Variants in SPACA9 observed in about 807,000 individuals in gnomAD.
The protein encoded by SPACA9 is sperm acrosome-associated protein 9.
A neutral mutation model predicts 12.5 loss-of-function variants in SPACA9; 14 were observed. The ratio of observed to expected loss-of-function variants is 1.12; its 90% CI spans 0.74 to 1.75. The LOEUF (loss-of-function observed/expected upper bound fraction) is 1.75, where lower values mean the gene tolerates loss of function less well. Ranked by LOEUF, SPACA9 falls within the 40% of genes most tolerant of loss-of-function variation. The pLI is 0.00. For missense variants in SPACA9, 292 were observed against 291.9 expected (o/e 1.00, Z 0.00); for synonymous variants, 111 against 114.1 (o/e 0.97, Z 0.17).
rs757960503 is a variant in SPACA9 at position 132,888,063 on chromosome 9, G to A, written c.348-227G>A. Among the ~76,000 whole-genome samples, 4 of 152,156 alleles carry A rather than the reference G, an allele frequency of 2.6e-5. No individual in the cohort carries two copies. The highest frequency in any genetic ancestry group is 1.9e-4 in the East Asian group (1 of 5,176). Reference sequence around the variant, plus strand: ...CTAACCCAGGTTTCTACGGACCATGGGGCAGTGGTTTGCATCTCCTGTCTT... The same window carrying A: ...CTAACCCAGGTTTCTACGGACCATGAGGCAGTGGTTTGCATCTCCTGTCTT... On this transcript the variant is annotated intron_variant, in intron 3 of 3. Transcript: ENST00000356311. This position sits in a 1 kb window ranked among gnomAD's most constrained non-coding sequence, Gnocchi z 5.0.
upstream of SPACA9, chr9:132,878,728 TTCGAGGA>T (rs1445355945): frequency 6.1e-6 from 6 of 986,692 alleles, no homozygotes; most frequent in Non-Finnish European, 7.2e-6. The surrounding 1 kb of genome is among the most constrained non-coding windows in gnomAD (Gnocchi z 4.7). Flanking sequence ...GGGCCGGAGG[TTCGAGGA>T]TCGGGTGGAA....
chr9:132,885,067 T>C (rs568048295), intron 2 of SPACA9, among the ~76,000 whole-genome samples: 3 of 151,322 alleles, frequency 2.0e-5, no homozygotes, highest in South Asian at 2.1e-4. Context: ...GAGCCGATAT[T>C]GCGCCACTGT....
chr9:132,878,402 C>T, upstream of SPACA9: 8 of 1,241,162 alleles, frequency 6.4e-6, no homozygotes, highest in Non-Finnish European at 8.1e-6. This position sits in a 1 kb window ranked among gnomAD's most constrained non-coding sequence, Gnocchi z 4.7. Flanking sequence ...TCGCCCCCGC[C>T]CCGACCTCCC....
chr9:132,887,275 G>A lies in SPACA9; in HGVS notation c.145-94G>A, dbSNP rs1844592642. ...CCCCCATGAGTCATGTAGGGTGGGAGGGAGTAGGGTGGGTGCTTCTGGACA... is the reference window on the plus strand; with the variant it reads ...CCCCCATGAGTCATGTAGGGTGGGAAGGAGTAGGGTGGGTGCTTCTGGACA... On this transcript the variant is annotated intron_variant, in intron 2 of 3. Transcript: ENST00000356311. The surrounding 1 kb of genome is among the most constrained non-coding windows in gnomAD (Gnocchi z 5.4). The A allele has an allele frequency of 9.3e-7, 1 of 1,071,610 alleles. No homozygotes were observed. The highest frequency in any genetic ancestry group is 1.5e-5 in the African/African-American group (1 of 64,834). 66.4% of individuals were successfully genotyped at this position (1,071,610 alleles called of 1,614,324 possible).
chr9:132,884,537 G>T (rs1844513961), intron 2 of SPACA9, among the ~76,000 whole-genome samples: 1 of 152,248 alleles, frequency 6.6e-6, no homozygotes, highest in African/African-American at 2.4e-5. Flanking sequence ...TGCTTTCGCA[G>T]ATGTTTTTAT....
At position 132,888,707 on chromosome 9, in the gene SPACA9, C is replaced by T; in HGVS notation, c.*96C>T. Reference sequence around the variant, plus strand: ...TCACTGGTACCCATGGACCCTGCCACTTACTAACCCCAAGGGAATCAGCCA... The same window carrying T: ...TCACTGGTACCCATGGACCCTGCCATTTACTAACCCCAAGGGAATCAGCCA... On this transcript the variant is annotated 3_prime_UTR_variant, in exon 4 of 4. Transcript: ENST00000356311. The surrounding 1 kb of genome is among the most constrained non-coding windows in gnomAD (Gnocchi z 5.0). 3 of 1,450,792 alleles carry T rather than the reference C, an allele frequency of 2.1e-6. No individual in the cohort carries two copies. The highest frequency in any genetic ancestry group is 1.8e-6 in the Non-Finnish European group (2 of 1,101,148). The allele number at this position is 1,450,792 out of a possible 1,614,324, so 89.9% of individuals were successfully genotyped here.
chr9:132,885,226 T>C (rs1324179367), intron 2 of SPACA9, among the ~76,000 whole-genome samples: 2 of 151,648 alleles, frequency 1.3e-5, no homozygotes, highest in Non-Finnish European at 2.9e-5. Context: ...AAATGTTAAA[T>C]ATAGAGGCCA....
intron 1 of SPACA9, among the ~76,000 whole-genome samples, chr9:132,881,294 G>T (rs199929210): frequency 8.1e-6 from 1 of 123,350 alleles, no homozygotes. Flanking sequence ...AGAAAAAAAA[G>T]AAGAAAAAAA....
upstream of SPACA9, chr9:132,878,604 T>G (rs1206576081): frequency 1.8e-6 from 2 of 1,085,490 alleles, no homozygotes; most frequent in Non-Finnish European, 2.2e-6. This position sits in a 1 kb window ranked among gnomAD's most constrained non-coding sequence, Gnocchi z 4.7. Flanking sequence ...CTGCTTCTGG[T>G]TCTGTCAGTG....
chr9:132,883,054 C>T (rs1331676643), intron 1 of SPACA9, among the ~76,000 whole-genome samples: 1 of 152,182 alleles, frequency 6.6e-6, no homozygotes, highest in Non-Finnish European at 1.5e-5. Flanking sequence ...ACTGTGATGT[C>T]ATGGAGCACA....
chr9:132,878,496 A>G (rs1275662937), upstream of SPACA9: 3 of 1,204,494 alleles, frequency 2.5e-6, no homozygotes, highest in Non-Finnish European at 3.1e-6. This position sits in a 1 kb window ranked among gnomAD's most constrained non-coding sequence, Gnocchi z 4.7. Context: ...AGCGGGGGAC[A>G]CCCTCAGGTG....
intron 1 of SPACA9, among the ~76,000 whole-genome samples, chr9:132,881,262 CAAAAAAAAAGAAA>C (rs796490391): frequency 0.062 from 1,158 of 18,738 alleles, 13 homozygotes; most frequent in African/African-American, 0.13. Flanking sequence ...CCCATCTCTA[CAAAAAAAAAGAAA>C]AAAAAAAAAG....
intron 2 of SPACA9, among the ~76,000 whole-genome samples, chr9:132,884,790 C>G (rs531561874): frequency 1.1e-4 from 16 of 152,360 alleles, no homozygotes; most frequent in African/African-American, 3.8e-4. Flanking sequence ...TCGGGAGGAA[C>G]AAGCAACCCT....
In SPACA9 at chr9:132,888,166, T is replaced by A. The variant is rs1013133305; in HGVS notation, c.348-124T>A. ...TCTCTGGGGACAGAGCGCCTCAGCGTGCTGTGTGTCCAGTTCTAAAGCCTC... is the reference window on the plus strand; with the variant it reads ...TCTCTGGGGACAGAGCGCCTCAGCGAGCTGTGTGTCCAGTTCTAAAGCCTC... On this transcript the variant is annotated intron_variant, in intron 3 of 3. Transcript: ENST00000356311. This position sits in a 1 kb window ranked among gnomAD's most constrained non-coding sequence, Gnocchi z 5.0. 6 of 1,450,722 alleles carry A rather than the reference T, an allele frequency of 4.1e-6. No homozygotes were observed. In the African/African-American group the frequency reaches 7.1e-5, roughly 17 times the overall value. The allele number at this position is 1,450,722 out of a possible 1,614,324, so 89.9% of individuals were successfully genotyped here.
rs1290974322 is a variant in SPACA9 at position 132,887,439 on chromosome 9, T to C, written c.215T>C (p.Ile72Thr). ...DRRVLLMFLD[I>T]CSELNKLCQH... ...CGGGTTCTGCTCATGTTCCTGGACA[T>C]CTGTTCAGAGCTGAATAAGCTCTGC... The change falls in exon 3 of 4, where the codon ATC becomes ACC. Residue 72 changes from isoleucine to threonine, a missense_variant. By Grantham distance (89) the Ile-to-Thr change is moderately conservative. Transcript: ENST00000356311. This position sits in a 1 kb window ranked among gnomAD's most constrained non-coding sequence, Gnocchi z 5.4. 6.2e-7 allele frequency: 1 copy of C among 1,613,158 alleles called. No homozygotes were observed. The highest frequency in any genetic ancestry group is 8.5e-7 in the Non-Finnish European group (1 of 1,180,000).
chr9:132,878,393 C>T (rs1844256203), upstream of SPACA9: 2 of 1,241,966 alleles, frequency 1.6e-6, no homozygotes, highest in East Asian at 3.2e-5. The surrounding 1 kb of genome is among the most constrained non-coding windows in gnomAD (Gnocchi z 4.7). Flanking sequence ...TCGCGCGGGT[C>T]GCCCCCGCCC....
chr9:132,880,641 C>T (rs1363265493), intron 1 of SPACA9, among the ~76,000 whole-genome samples: 1 of 152,140 alleles, frequency 6.6e-6, no homozygotes, highest in Non-Finnish European at 1.5e-5. Context: ...TAAGGGAGTG[C>T]CGGCAATTCA....
At chr9:132,879,959 C>G (rs1186976284) in intron 1 of SPACA9, among the ~76,000 whole-genome samples, 1 of 152,214 alleles carries the variant, frequency 6.6e-6, no homozygotes, top group Non-Finnish European at 1.5e-5. Flanking sequence ...AGCACTGTTG[C>G]CTCTTCCCCT....
chr9:132,890,039 T>C, downstream of SPACA9: 2 of 1,391,716 alleles, frequency 1.4e-6, no homozygotes, highest in East Asian at 2.7e-5. Flanking sequence ...CCTCTCTGCC[T>C]GACTTGGTTT....
Sources: allele counts gnomAD v4.1 joint callset (sites outside exome capture counted in the v4.1 genomes callset), GRCh38; gene constraint gnomAD v4.1.1; non-coding constraint Gnocchi (gnomAD v3.1); transcripts MANE v1.5; gene names NCBI Gene and HGNC (gene_info 2026-07-23, HGNC 2026-07-21).